PRLR: variants seen among roughly 807,000 people sequenced by gnomAD.
PRLR encodes prolactin receptor.
Under a neutral mutation model 40.2 loss-of-function variants are expected in PRLR, and 13 were observed. The observed-to-expected ratio is 0.32, with a 90% confidence interval of 0.21 to 0.51. The LOEUF (loss-of-function observed/expected upper bound fraction) is 0.51, where lower values mean the gene tolerates loss of function less well. Among genes scored for constraint, PRLR ranks in the 20% least tolerant of loss-of-function variants. The pLI, the probability that PRLR is intolerant of heterozygous loss-of-function variation, is 0.97. For synonymous variants in PRLR, 269 were observed against 278.7 expected (o/e 0.97, Z 0.35); for missense variants, 656 against 747.3 (o/e 0.88, Z 1.42).
At chr5:35,124,390 C>A (rs907094959) in intron 1 of PRLR, among the ~76,000 whole-genome samples, 5 of 151,932 alleles carry the variant, frequency 3.3e-5, no homozygotes, top group African/African-American at 1.2e-4. Flanking sequence ...TATGCTGAGA[C>A]AACGTAAAAT....
intron 1 of PRLR, among the ~76,000 whole-genome samples, chr5:35,194,071 C>T (rs1028146766): frequency 2.6e-5 from 4 of 152,224 alleles, no homozygotes; most frequent in Admixed American, 1.3e-4. Context: ...GATGCTGCCC[C>T]GTGGCATGGA....
At chr5:35,119,323 T>C (rs1196543295) in intron 1 of PRLR, among the ~76,000 whole-genome samples, 1 of 152,052 alleles carries the variant, frequency 6.6e-6, no homozygotes, top group African/African-American at 2.4e-5. Context: ...AGGAGGTGAC[T>C]GGCAGGAAGC....
At chr5:35,194,804 A>G (rs1237250269) in intron 1 of PRLR, among the ~76,000 whole-genome samples, 1 of 152,208 alleles carries the variant, frequency 6.6e-6, no homozygotes, top group African/African-American at 2.4e-5. Context: ...AAGTGAAACT[A>G]TTCTGTATGA....
intron 1 of PRLR, among the ~76,000 whole-genome samples, chr5:35,172,555 G>A (rs964700910): frequency 1.3e-5 from 2 of 152,174 alleles, no homozygotes; most frequent in Non-Finnish European, 2.9e-5. Flanking sequence ...CTCTGGAACC[G>A]TACAGTTGCT....
chr5:35,097,578 T>C (rs1483496343), intron 2 of PRLR, among the ~76,000 whole-genome samples: 1 of 152,018 alleles, frequency 6.6e-6, no homozygotes, highest in African/African-American at 2.4e-5. Flanking sequence ...GCTCCAGAAG[T>C]ACAAAATCCA....
intron 1 of PRLR, among the ~76,000 whole-genome samples, chr5:35,151,999 C>A (rs1774355962): frequency 6.6e-6 from 1 of 152,168 alleles, no homozygotes; most frequent in Non-Finnish European, 1.5e-5. Flanking sequence ...CGTAATTTAT[C>A]CCATCATAAT....
chr5:35,210,461 T>C (rs575114461), intron 1 of PRLR, among the ~76,000 whole-genome samples: 10 of 152,206 alleles, frequency 6.6e-5, no homozygotes, highest in Non-Finnish European at 1.3e-4. Context: ...GTTCCTTCTA[T>C]AACTAATCTC....
chr5:35,202,674 C>T (rs1317189769), intron 1 of PRLR, among the ~76,000 whole-genome samples: 1 of 152,058 alleles, frequency 6.6e-6, no homozygotes, highest in Non-Finnish European at 1.5e-5. Context: ...TTTTAAGTAA[C>T]TAAAAGATTA....
At chr5:35,148,036 G>A (rs1774235105) in intron 1 of PRLR, among the ~76,000 whole-genome samples, 2 of 151,978 alleles carry the variant, frequency 1.3e-5, no homozygotes, top group Admixed American at 6.6e-5. Context: ...ATTAATCATA[G>A]GTTTAAGTTT....
intron 5 of PRLR, among the ~76,000 whole-genome samples, chr5:35,079,069 G>C (rs887564592): frequency 1.3e-5 from 2 of 152,080 alleles, no homozygotes; most frequent in African/African-American, 2.4e-5. Context: ...AAAATAATAA[G>C]AGCTATTTAT....
intron 1 of PRLR, among the ~76,000 whole-genome samples, chr5:35,119,370 CCTCT>C (rs1209913837): frequency 1.2e-4 from 18 of 147,260 alleles, no homozygotes; most frequent in African/African-American, 2.6e-4. Context: ...CCATTGACAA[CCTCT>C]CTCTCTCTCT....
chr5:35,162,068 C>G (rs1774689861), intron 1 of PRLR, among the ~76,000 whole-genome samples: 1 of 152,146 alleles, frequency 6.6e-6, no homozygotes. Context: ...TAAATAGCTG[C>G]CGCTTTTCCA....
At chr5:35,200,697 G>A (rs1183398386) in intron 1 of PRLR, among the ~76,000 whole-genome samples, 1 of 152,162 alleles carries the variant, frequency 6.6e-6, no homozygotes, top group Admixed American at 6.5e-5. Context: ...CTAACACTAA[G>A]AATGGTACCA....
At chr5:35,181,854 T>C (rs1775305170) in intron 1 of PRLR, among the ~76,000 whole-genome samples, 1 of 152,204 alleles carries the variant, frequency 6.6e-6, no homozygotes, top group Non-Finnish European at 1.5e-5. Context: ...CTCCAGGTTC[T>C]TCTGGAGACA....
chr5:35,100,091 T>A (rs914161963), intron 2 of PRLR, among the ~76,000 whole-genome samples: 5 of 149,988 alleles, frequency 3.3e-5, no homozygotes, highest in African/African-American at 7.4e-5. Flanking sequence ...GGCAGGAGAA[T>A]CATTTGAACC....
intron 5 of PRLR, among the ~76,000 whole-genome samples, chr5:35,073,956 T>G (rs1218256194): frequency 6.6e-6 from 1 of 152,182 alleles, no homozygotes; most frequent in Non-Finnish European, 1.5e-5. Context: ...TGTAAACTGG[T>G]GCAACCACTG....
chr5:35,138,607 G>A (rs984053161), intron 1 of PRLR, among the ~76,000 whole-genome samples: 2 of 152,212 alleles, frequency 1.3e-5, no homozygotes, highest in African/African-American at 4.8e-5. Flanking sequence ...ACCCTGTGTA[G>A]AGAATCAAAA....
chr5:35,189,973 A>G (rs1775557254), intron 1 of PRLR, among the ~76,000 whole-genome samples: 1 of 152,140 alleles, frequency 6.6e-6, no homozygotes, highest in South Asian at 2.1e-4. Flanking sequence ...CTGCTGGAGC[A>G]CAGGAGCCTC....
chr5:35,144,536 C>T (rs1362783809), intron 1 of PRLR, among the ~76,000 whole-genome samples: 3 of 152,214 alleles, frequency 2.0e-5, no homozygotes, highest in Non-Finnish European at 4.4e-5. Context: ...TCACTGCAAC[C>T]TCTGCCTCCC....
Sources: gnomAD v4.1 joint callset for allele counts (sites outside exome capture counted in the v4.1 genomes callset) on GRCh38, gnomAD v4.1.1 for gene constraint, MANE v1.5 for transcripts, NCBI Gene and HGNC (gene_info 2026-07-23, HGNC 2026-07-21) for gene names.